CCBE1: variants seen among roughly 807,000 people sequenced by gnomAD.
The protein encoded by CCBE1 is collagen and calcium binding EGF domains 1, also known as collagen and calcium-binding EGF domain-containing protein 1.
In CCBE1, 37 loss-of-function variants were observed where a neutral mutation model predicts 50.0. That is an observed-to-expected ratio of 0.74 (90% CI 0.57 to 0.97). The LOEUF (loss-of-function observed/expected upper bound fraction) is 0.97, where lower values mean the gene tolerates loss of function less well. Ranked by LOEUF, CCBE1 falls within the 50% of genes least tolerant of loss-of-function variation. The pLI is 0.00. For synonymous variants in CCBE1, 234 were observed against 203.7 expected (o/e 1.15, Z -1.27); for missense variants, 538 against 523.8 (o/e 1.03, Z -0.26).
intron 2 of CCBE1, among the ~76,000 whole-genome samples, chr18:59,683,377 G>C (rs1188059410): frequency 6.6e-6 from 1 of 152,162 alleles, no homozygotes; most frequent in Non-Finnish European, 1.5e-5. Flanking sequence ...TTAAAAGGCT[G>C]AACAGTGGGA....
chr18:59,583,012 G>A (rs377053120), intron 2 of CCBE1, among the ~76,000 whole-genome samples: 2 of 152,068 alleles, frequency 1.3e-5, no homozygotes, highest in African/African-American at 4.8e-5. Flanking sequence ...TTGTAGAGAT[G>A]GGATCTATGT....
chr18:59,615,908 G>A (rs1050203168), intron 2 of CCBE1, among the ~76,000 whole-genome samples: 1 of 152,152 alleles, frequency 6.6e-6, no homozygotes, highest in African/African-American at 2.4e-5. Flanking sequence ...CACTTACCAA[G>A]GGGACTATTA....
rs79255667 is a variant in CCBE1, at chr18:59,649,139, G to A, written c.212+47490C>T. Among the ~76,000 whole-genome samples, 1,173 of 152,268 alleles carry A rather than the reference G, an allele frequency of 7.7e-3. 9 individuals carry two copies. The highest frequency in any genetic ancestry group is 0.016 in the African/African-American group (681 of 41,560). On this transcript the variant is annotated intron_variant, in intron 2 of 10. Coordinates refer to ENST00000439986, the MANE Select transcript of CCBE1 (RefSeq NM_133459.4). ...GACAGAAAGCATCCCATGAAACCTA[G>A]CACAGGACTGTTACCAGACATGAGA... is the stretch of plus-strand genomic sequence containing the variant.
intron 2 of CCBE1, among the ~76,000 whole-genome samples, chr18:59,562,035 C>T (rs957585050): frequency 5.3e-5 from 8 of 152,118 alleles, no homozygotes; most frequent in South Asian, 2.1e-4. Context: ...CTAACAAGTA[C>T]GTAGGCAGAG....
intron 2 of CCBE1, among the ~76,000 whole-genome samples, chr18:59,526,883 T>C (rs1301172241): frequency 6.6e-6 from 1 of 152,252 alleles, no homozygotes; most frequent in Non-Finnish European, 1.5e-5. Flanking sequence ...AATGTTTTTA[T>C]GATTTCAGTT....
intron 10 of CCBE1, 76 bp from the exon 11 acceptor site, chr18:59,436,217 T>G (rs779020527): frequency 7.7e-7 from 1 of 1,295,460 alleles, no homozygotes. Context: ...CTTGACCTGC[T>G]GCTTGCTGGC....
intron 2 of CCBE1, among the ~76,000 whole-genome samples, chr18:59,565,606 C>G (rs2052811630): frequency 6.6e-6 from 1 of 152,148 alleles, no homozygotes; most frequent in African/African-American, 2.4e-5. Flanking sequence ...CAAGATGAAC[C>G]TATGGGACAC....
chr18:59,694,393 T>C (rs1476193698), intron 2 of CCBE1, among the ~76,000 whole-genome samples: 1 of 152,028 alleles, frequency 6.6e-6, no homozygotes, highest in Non-Finnish European at 1.5e-5. Context: ...TATCTCACTT[T>C]AGTTTAACCT....
chr18:59,466,695 T>C, intron 5 of CCBE1, 44 bp downstream of exon 5: 3 of 1,471,422 alleles, frequency 2.0e-6, no homozygotes, highest in South Asian at 1.2e-5. Flanking sequence ...ATATAATATA[T>C]AAAAATATGT....
At position 59,652,270 on chromosome 18, in the gene CCBE1, G is replaced by A. The variant is rs770608962; in HGVS notation, c.212+44359C>T. Among the ~76,000 whole-genome samples, 8 of 152,154 alleles carry A rather than the reference G, an allele frequency of 5.3e-5. No individual in the cohort carries two copies. The East Asian group carries it at 1.2e-3, about 22-fold the overall frequency. On this transcript the variant is annotated intron_variant, in intron 2 of 10. Transcript: ENST00000439986. The stretch of plus-strand genomic sequence containing the variant: ...CTTTAAAAATCTCAGCCTTGGAATC[G>A]AAGAATCAAGAAAAACTCAGCCAAC...
At chr18:59,450,147 C>T (rs561293728) in intron 6 of CCBE1, among the ~76,000 whole-genome samples, 6 of 152,272 alleles carry the variant, frequency 3.9e-5, no homozygotes, top group Admixed American at 2.0e-4. Context: ...TGGAATTATG[C>T]GTATCATTTA....
At chr18:59,646,507 G>T (rs940518699) in intron 2 of CCBE1, among the ~76,000 whole-genome samples, 3 of 152,198 alleles carry the variant, frequency 2.0e-5, no homozygotes, top group African/African-American at 4.8e-5. Context: ...GTCTTGGGTT[G>T]GGACAGAGCT....
chr18:59,693,391 C>T (rs1271397497), intron 2 of CCBE1, among the ~76,000 whole-genome samples: 1 of 152,102 alleles, frequency 6.6e-6, no homozygotes, highest in Non-Finnish European at 1.5e-5. Context: ...TGTGTGAAGG[C>T]TTTTGGTCTC....
chr18:59,535,377 A>C (rs978847134), intron 2 of CCBE1, among the ~76,000 whole-genome samples: 32 of 152,212 alleles, frequency 2.1e-4, no homozygotes, highest in African/African-American at 7.5e-4. Context: ...GACTGGCAGA[A>C]ATGTAAAAGC....
chr18:59,496,559 C>T (rs1913365395), intron 2 of CCBE1, among the ~76,000 whole-genome samples: 2 of 152,296 alleles, frequency 1.3e-5, no homozygotes, highest in South Asian at 4.1e-4. Context: ...TAACCTCAGT[C>T]ATGTTTCTTG....
intron 2 of CCBE1, among the ~76,000 whole-genome samples, chr18:59,541,693 T>C (rs1915471512): frequency 6.6e-6 from 1 of 151,968 alleles, no homozygotes; most frequent in Admixed American, 6.6e-5. Context: ...GCCACAAAAC[T>C]GGGCCATTGG....
At chr18:59,509,036 G>C (rs1339671326) in intron 2 of CCBE1, among the ~76,000 whole-genome samples, 1 of 152,068 alleles carries the variant, frequency 6.6e-6, no homozygotes, top group African/African-American at 2.4e-5. Flanking sequence ...TCTTCTTAAA[G>C]GCAACATTTT....
intron 5 of CCBE1, among the ~76,000 whole-genome samples, chr18:59,460,153 C>A (rs1270186572): frequency 6.6e-6 from 1 of 152,130 alleles, no homozygotes; most frequent in Non-Finnish European, 1.5e-5. Context: ...ACTGAATGTC[C>A]ATTAGCCAGA....
chr18:59,685,296 TCTC>T (rs2054640769), intron 2 of CCBE1, among the ~76,000 whole-genome samples: 1 of 152,000 alleles, frequency 6.6e-6, no homozygotes, highest in South Asian at 2.1e-4. Context: ...CTTGATCCAT[TCTC>T]CTATTAGTCC....
Sources: gnomAD v4.1 joint callset for allele counts (sites outside exome capture counted in the v4.1 genomes callset) on GRCh38, gnomAD v4.1.1 for gene constraint, MANE v1.5 for transcripts, NCBI Gene and HGNC (gene_info 2026-07-23, HGNC 2026-07-21) for gene names.